HYDIN: variants seen among roughly 807,000 people sequenced by gnomAD.
The protein encoded by HYDIN is HYDIN axonemal central pair apparatus protein.
HYDIN carries 132 observed loss-of-function variants against 403.9 expected under a neutral mutation model. The ratio of observed to expected loss-of-function variants is 0.33; its 90% confidence interval spans 0.28 to 0.38. The LOEUF is 0.38. HYDIN is among the 10% of genes least tolerant of loss of function. The pLI, the probability that HYDIN is intolerant of heterozygous loss-of-function variation, is 1.00. For synonymous variants in HYDIN, 1,202 were observed against 1,891.7 expected (o/e 0.64, Z 9.46); for missense variants, 2,827 against 5,009.5 (o/e 0.56, Z 13.15).
intron 37 of HYDIN, 129 bp from the exon 38 acceptor site, chr16:70,962,267 T>C (rs2078442578): frequency 2.4e-6 from 1 of 422,932 alleles, no homozygotes; most frequent in East Asian, 3.6e-5. Flanking sequence ...CCCTGGACCA[T>C]TCAACCCAAA....
intron 1 of HYDIN, among the ~76,000 whole-genome samples, chr16:71,194,441 C>A (rs552461600): frequency 6.6e-6 from 1 of 152,266 alleles, no homozygotes; most frequent in South Asian, 2.1e-4. Flanking sequence ...TTGTTTTCCT[C>A]TCAGAAAGAG....
In HYDIN at chr16:70,850,641, A is replaced by C; in HGVS notation, c.12458T>G (p.Ile4153Ser). The C allele has an allele frequency of 6.2e-7, 1 of 1,613,902 alleles. No homozygotes were observed. The change falls in exon 74 of 86, where the codon ATT (isoleucine) becomes AGT (serine). Residue 4153 changes from isoleucine to serine, a missense_variant. Transcript: ENST00000393567. ...IPPLSRFPID[I>S]FFTPKQEGDV... ...TCCTTCCTGCTTTGGTGTGAAGAAA[A>C]TATCAATTGGGAACCTGGTTGGGGA...
At chr16:70,989,675 T>A (rs1224540772) in intron 25 of HYDIN, among the ~76,000 whole-genome samples, 1 of 152,204 alleles carries the variant, frequency 6.6e-6, no homozygotes, top group Non-Finnish European at 1.5e-5. Context: ...GATACAAATT[T>A]AAAATATTCA....
At chr16:70,981,797 T>A (rs1202932947) in intron 28 of HYDIN, among the ~76,000 whole-genome samples, 1 of 151,848 alleles carries the variant, frequency 6.6e-6, no homozygotes, top group African/African-American at 2.4e-5. Context: ...CAAGACTGAT[T>A]AAGAAGATAA....
intron 1 of HYDIN, among the ~76,000 whole-genome samples, chr16:71,218,117 G>T (rs1203431748): frequency 6.6e-6 from 1 of 152,112 alleles, no homozygotes; most frequent in Non-Finnish European, 1.5e-5. Context: ...ATTTTCCTGT[G>T]CCCTTGAGGA....
intron 18 of HYDIN, among the ~76,000 whole-genome samples, chr16:71,041,046 T>C (rs1568041736): frequency 6.6e-6 from 1 of 150,698 alleles, no homozygotes; most frequent in Non-Finnish European, 1.5e-5. Flanking sequence ...AGAAGGAAAC[T>C]ATTTTGTTTA....
At chr16:70,916,328 C>T (rs529098818) in intron 47 of HYDIN, among the ~76,000 whole-genome samples, 106 of 152,348 alleles carry the variant, frequency 7.0e-4, no homozygotes, top group Admixed American at 1.9e-3. Flanking sequence ...CCTGCTGCTT[C>T]CTCTACCCCT....
chr16:70,975,408 GC>G, intron 30 of HYDIN, 139 bp from the exon 31 acceptor site: 1 of 334,742 alleles, frequency 3.0e-6, no homozygotes, highest in Non-Finnish European at 5.4e-6. Context: ...ATGGTTTGCG[GC>G]CCCCAAAGAG....
At chr16:71,141,427 A>C (rs1243180164) in intron 7 of HYDIN, among the ~76,000 whole-genome samples, 1 of 152,020 alleles carries the variant, frequency 6.6e-6, no homozygotes, top group African/African-American at 2.4e-5. Flanking sequence ...GTTTCCTATG[A>C]CTCAAAATCC....
At chr16:71,215,781 T>TA (rs11450762) in intron 1 of HYDIN, among the ~76,000 whole-genome samples, 59,548 of 143,934 alleles carry the variant, frequency 0.41, 12,756 homozygotes, top group East Asian at 0.58. Context: ...AAAACAATAT[T>TA]AAAAAAAAAA....
chr16:70,923,851 T>A (rs1273926288), intron 45 of HYDIN, among the ~76,000 whole-genome samples: 1 of 140,440 alleles, frequency 7.1e-6, no homozygotes, highest in African/African-American at 2.6e-5. Context: ...CAGAAACTAA[T>A]GAAACAGAAA....
chr16:71,009,616 T>C (rs1173777549), intron 23 of HYDIN, among the ~76,000 whole-genome samples: 7 of 151,998 alleles, frequency 4.6e-5, no homozygotes, highest in Admixed American at 6.5e-5. Context: ...AAAGGGACTT[T>C]GCAGATGTGA....
At chr16:70,996,704 C>T (rs1175923107) in intron 23 of HYDIN, among the ~76,000 whole-genome samples, 1 of 151,100 alleles carries the variant, frequency 6.6e-6, no homozygotes, top group Admixed American at 6.6e-5. Context: ...TGGATGCATA[C>T]AGAAGTCTTC....
chr16:70,980,470 T>C (rs941141427), intron 29 of HYDIN, among the ~76,000 whole-genome samples: 1 of 150,188 alleles, frequency 6.7e-6, no homozygotes, highest in African/African-American at 2.4e-5. Context: ...TGCACCACTG[T>C]ATTTCAGCCT....
At position 71,055,191 on chromosome 16, in the gene HYDIN, G is replaced by A. The variant is rs531950914; in HGVS notation, c.2529+5313C>T. Reference sequence around the variant, plus strand: ...AGTTAGGCGGTTCATTAGCGCAGAGGAAAAGAGAAGGAATCTGAAAGTCAG... The same window carrying A: ...AGTTAGGCGGTTCATTAGCGCAGAGAAAAAGAGAAGGAATCTGAAAGTCAG... On this transcript the variant is annotated intron_variant, in intron 18 of 85. Coordinates refer to ENST00000393567, the MANE Select transcript of HYDIN (RefSeq NM_001270974.2). Among the ~76,000 whole-genome samples, 24 of 152,406 alleles carry A rather than the reference G, an allele frequency of 1.6e-4. No individual in the cohort carries two copies. In the South Asian group the frequency reaches 1.9e-3, roughly 12 times the overall value.
At position 70,818,569 on chromosome 16, in the gene HYDIN, T is replaced by C. The variant is rs2036003294; in HGVS notation, c.14431A>G (p.Ile4811Val). The change falls in exon 84 of 86, where the codon ATC (isoleucine) becomes GTC (valine). Residue 4811 changes from isoleucine to valine, a missense_variant. Coordinates refer to ENST00000393567, the MANE Select transcript of HYDIN (RefSeq NM_001270974.2). ...TCATTTGTCACCTCGTTTCGGAAGA[T>C]CACCTGCATTCACGGGGAGAGAGGG... ...HKEGTYAAKV[I>V]FRNEVTNEFL... 1 of 955,804 alleles carries C rather than the reference T, an allele frequency of 1.0e-6. No individual in the cohort carries two copies. Among genetic ancestry groups the C allele is most frequent in the Admixed American group, 2.0e-5 (1 of 49,130 alleles). 59.2% of individuals were successfully genotyped at this position (955,804 alleles called of 1,614,324 possible). A position where few individuals can be genotyped will look rare whatever the true frequency, so the allele number is the denominator to read the frequency against.
intron 1 of HYDIN, among the ~76,000 whole-genome samples, chr16:71,214,191 G>T (rs1321599028): frequency 3.3e-5 from 5 of 151,892 alleles, no homozygotes; most frequent in African/African-American, 1.2e-4. Flanking sequence ...AATTCCTAGG[G>T]CTATACCACA....
At chr16:70,839,891 A>C (rs111828575) in intron 76 of HYDIN, among the ~76,000 whole-genome samples, 173 bp downstream of exon 76, 5,030 of 147,690 alleles carry the variant, frequency 0.034, 273 homozygotes, top group African/African-American at 0.12. Context: ...TGGCTATCCA[A>C]GTATTAGTGT....
chr16:71,057,722 T>C (rs1166540094), intron 18 of HYDIN, among the ~76,000 whole-genome samples: 1 of 150,946 alleles, frequency 6.6e-6, no homozygotes, highest in Non-Finnish European at 1.5e-5. Context: ...ATATCCAGAA[T>C]CTACAATGAA....
Sources: allele counts gnomAD v4.1 joint callset (sites outside exome capture counted in the v4.1 genomes callset), GRCh38; gene constraint gnomAD v4.1.1; transcripts MANE v1.5; gene names NCBI Gene and HGNC (gene_info 2026-07-23, HGNC 2026-07-21).